The following FTO variants were observed in gnomAD, a reference collection of about 807,000 sequenced individuals.
The protein encoded by FTO is FTO alpha-ketoglutarate dependent dioxygenase.
FTO carries 47 observed loss-of-function variants against 63.9 expected under a neutral mutation model. The ratio of observed to expected loss-of-function variants is 0.74; its 90% CI spans 0.58 to 0.94. The LOEUF is 0.94. Among genes scored for constraint, FTO ranks in the 40% least tolerant of loss-of-function variants. The pLI is 0.00. For missense variants in FTO, 562 were observed against 618.1 expected (o/e 0.91, Z 0.96); for synonymous variants, 207 against 224.4 (o/e 0.92, Z 0.69).
intron 8 of FTO, among the ~76,000 whole-genome samples, chr16:53,937,049 A>G (rs922350518): frequency 1.3e-5 from 2 of 152,222 alleles, no homozygotes; most frequent in African/African-American, 4.8e-5. Context: ...AAACTGAAGC[A>G]TATGTTCCTT....
chr16:53,763,291 T>A (rs2077116211), intron 1 of FTO, among the ~76,000 whole-genome samples: 1 of 152,222 alleles, frequency 6.6e-6, no homozygotes, highest in South Asian at 2.1e-4. Flanking sequence ...TTTCATGGTG[T>A]CATCTAACAT....
intron 8 of FTO, among the ~76,000 whole-genome samples, chr16:53,963,326 G>A (rs2143654172): frequency 6.6e-6 from 1 of 152,274 alleles, no homozygotes; most frequent in African/African-American, 2.4e-5. Flanking sequence ...CTGTATATTT[G>A]TGTTATTGTT....
chr16:53,799,989 T>C (rs1387498393), intron 1 of FTO, among the ~76,000 whole-genome samples: 1 of 152,106 alleles, frequency 6.6e-6, no homozygotes, highest in Admixed American at 6.5e-5. Context: ...TTTTTTAACT[T>C]TTCTGTTTTC....
At chr16:53,980,131 G>A (rs114291420) in intron 8 of FTO, among the ~76,000 whole-genome samples, 1,583 of 152,256 alleles carry the variant, frequency 0.01, 27 homozygotes, top group African/African-American at 0.036. Flanking sequence ...CTTAAGTCAA[G>A]AAGAACTGGT....
At chr16:53,960,729 G>A (rs971206513) in intron 8 of FTO, among the ~76,000 whole-genome samples, 6 of 151,782 alleles carry the variant, frequency 4.0e-5, no homozygotes, top group African/African-American at 9.7e-5. Context: ...GGGGGGGCGC[G>A]GTTACCTGAG....
At chr16:53,853,157 G>T (rs566239195) in intron 4 of FTO, among the ~76,000 whole-genome samples, 2 of 152,152 alleles carry the variant, frequency 1.3e-5, no homozygotes, top group Admixed American at 6.5e-5. Context: ...GCCAGGTGTC[G>T]TGGCAGGCAC....
At chr16:53,719,278 G>A (rs1274894389) in intron 1 of FTO, among the ~76,000 whole-genome samples, 1 of 125,918 alleles carries the variant, frequency 7.9e-6, no homozygotes, top group Non-Finnish European at 1.6e-5. Flanking sequence ...TTTTTTTTGA[G>A]CAGAGTCTTG....
intron 1 of FTO, among the ~76,000 whole-genome samples, chr16:53,789,006 T>C (rs1448501064): frequency 1.3e-5 from 2 of 152,256 alleles, no homozygotes; most frequent in Non-Finnish European, 2.9e-5. Context: ...GTTATAGTCA[T>C]GCACCTTAAA....
At chr16:53,728,883 C>T (rs1479401073) in intron 1 of FTO, among the ~76,000 whole-genome samples, 1 of 151,594 alleles carries the variant, frequency 6.6e-6, no homozygotes, top group East Asian at 2.0e-4. Context: ...CTGCCTCAGC[C>T]TCCAAGTAGC....
At chr16:54,008,333 C>T (rs929572605) in intron 8 of FTO, 2 of 151,756 alleles carry the variant, frequency 1.3e-5, no homozygotes, top group East Asian at 1.9e-4. Context: ...TTATCATCCC[C>T]TTTTATTTGA....
intron 8 of FTO, among the ~76,000 whole-genome samples, chr16:54,034,633 G>A (rs1287643947): frequency 6.6e-6 from 1 of 152,114 alleles, no homozygotes; most frequent in South Asian, 2.1e-4. Context: ...AGGTAATAGA[G>A]CTGTTCTCCT....
chr16:53,987,005 A>G lies in FTO; in HGVS notation c.1364+52896A>G, dbSNP rs540611539. On this transcript the variant is annotated intron_variant, in intron 8 of 8. Coordinates refer to ENST00000471389, the MANE Select transcript of FTO (RefSeq NM_001080432.3). Reference sequence around the variant, plus strand: ...TTAAATGAAAATGTAATTAGGTTACATCTGTTTTACATGCATGTAATACCA... The same window carrying G: ...TTAAATGAAAATGTAATTAGGTTACGTCTGTTTTACATGCATGTAATACCA... Among the ~76,000 whole-genome samples, 6 of 152,358 alleles carry G rather than the reference A, an allele frequency of 3.9e-5. No individual in the cohort carries two copies. The East Asian group carries it at 9.6e-4, about 24-fold the overall frequency.
chr16:54,014,063 C>T (rs183524899), intron 8 of FTO, among the ~76,000 whole-genome samples: 3 of 152,304 alleles, frequency 2.0e-5, no homozygotes, highest in South Asian at 2.1e-4. Flanking sequence ...TTCTTTCTCT[C>T]ATGAGTATTT....
At chr16:53,783,864 C>G (rs1183711158) in intron 1 of FTO, among the ~76,000 whole-genome samples, 1 of 152,048 alleles carries the variant, frequency 6.6e-6, no homozygotes, top group African/African-American at 2.4e-5. Context: ...GCTCATTTAA[C>G]TGCCTGATTT....
At chr16:53,822,167 G>A (rs1345016677) in intron 2 of FTO, among the ~76,000 whole-genome samples, 1 of 152,174 alleles carries the variant, frequency 6.6e-6, no homozygotes, top group Non-Finnish European at 1.5e-5. Flanking sequence ...CTAATGACCA[G>A]CATACATTCT....
rs12373043 is a variant in FTO, at chr16:54,013,797, A to G, written c.1364+79688A>G. On this transcript the variant is annotated intron_variant, in intron 8 of 8. Transcript: ENST00000471389. ...TATTGTAGTCTGCTATGCATGCAATAGCATTATGTCTAAAAAACATAATTT... is the reference window on the plus strand; with the variant it reads ...TATTGTAGTCTGCTATGCATGCAATGGCATTATGTCTAAAAAACATAATTT... Among the ~76,000 whole-genome samples the G allele has an allele frequency of 2.4e-3, 359 of 152,368 alleles. 4 individuals carry two copies. Among genetic ancestry groups the G allele is most frequent in the South Asian group, 6.8e-3 (33 of 4,828 alleles).
intron 8 of FTO, among the ~76,000 whole-genome samples, chr16:54,097,366 G>A (rs1314451479): frequency 6.6e-6 from 1 of 151,706 alleles, no homozygotes; most frequent in East Asian, 1.9e-4. Context: ...TTGGTGACAG[G>A]GTCTGGCTCT....
At chr16:53,964,540 A>AT (rs1485901484) in intron 8 of FTO, among the ~76,000 whole-genome samples, 6 of 152,206 alleles carry the variant, frequency 3.9e-5, no homozygotes, top group African/African-American at 1.4e-4. Context: ...GGGGTTTAAT[A>AT]TTTTTTTAAA....
At chr16:53,916,472 G>C (rs1413703474) in intron 7 of FTO, among the ~76,000 whole-genome samples, 1 of 152,150 alleles carries the variant, frequency 6.6e-6, no homozygotes, top group Non-Finnish European at 1.5e-5. Flanking sequence ...TGGAAATCTT[G>C]TTCCTATAAA....
Sources: gnomAD v4.1 joint callset for allele counts (sites outside exome capture counted in the v4.1 genomes callset) on GRCh38, gnomAD v4.1.1 for gene constraint, MANE v1.5 for transcripts, NCBI Gene and HGNC (gene_info 2026-07-23, HGNC 2026-07-21) for gene names.